The following RGS12 variants were observed in gnomAD, a reference collection of about 807,000 sequenced individuals.
The protein encoded by RGS12 is regulator of G protein signaling 12.
RGS12 carries 66 observed loss-of-function variants against 120.1 expected under a neutral mutation model. That is an observed-to-expected ratio of 0.55 (90% CI 0.45 to 0.67). The LOEUF is 0.67. RGS12 is among the 30% of genes least tolerant of loss of function. The pLI is 0.00. For missense variants in RGS12, 1,859 were observed against 1,957.7 expected, an observed-to-expected ratio of 0.95 and a Z score of 0.95; for synonymous variants, 827 against 804.7, an observed-to-expected ratio of 1.03 and a Z score of -0.47.
chr4:3,407,918 A>T (rs1392295018), intron 4 of RGS12, among the ~76,000 whole-genome samples: 2 of 152,258 alleles, frequency 1.3e-5, no homozygotes, highest in East Asian at 3.8e-4. Context: ...AAATCTAAAC[A>T]GACTTTAAAC....
At chr4:3,415,348 A>G (rs759778826) in intron 6 of RGS12, among the ~76,000 whole-genome samples, 2 of 152,204 alleles carry the variant, frequency 1.3e-5, no homozygotes. Context: ...AATATACATG[A>G]TATTTAATTT....
intron 9 of RGS12, chr4:3,417,750 T>C: frequency 1.7e-6 from 1 of 571,778 alleles, no homozygotes; most frequent in Admixed American, 3.3e-5. Context: ...GCAGGGCTGC[T>C]CCAGAATCTT....
intron 3 of RGS12, among the ~76,000 whole-genome samples, chr4:3,352,223 A>G (rs1194513200): frequency 6.6e-6 from 1 of 152,132 alleles, no homozygotes; most frequent in Non-Finnish European, 1.5e-5. Context: ...AGACAGATGC[A>G]AGGTCCTTTA....
chr4:3,405,091 A>G (rs911009913), intron 4 of RGS12, among the ~76,000 whole-genome samples: 10 of 152,246 alleles, frequency 6.6e-5, no homozygotes, highest in African/African-American at 2.4e-4. Context: ...ATGGCTTTGT[A>G]GTAACAGGAG....
At chr4:3,310,639 A>C (rs1431328725) in intron 1 of RGS12, among the ~76,000 whole-genome samples, 2 of 151,628 alleles carry the variant, frequency 1.3e-5, no homozygotes, top group Non-Finnish European at 2.9e-5. Context: ...GCGGGTCTGC[A>C]TGGGGCGGGT....
At chr4:3,333,641 T>C (rs1167010680) in intron 2 of RGS12, among the ~76,000 whole-genome samples, 2 of 152,226 alleles carry the variant, frequency 1.3e-5, no homozygotes, top group Non-Finnish European at 2.9e-5. Context: ...TCATGGATCA[T>C]GTGTTCATGT....
chr4:3,320,446 C>T (rs920803931), intron 2 of RGS12, among the ~76,000 whole-genome samples: 1 of 152,194 alleles, frequency 6.6e-6, no homozygotes, highest in Non-Finnish European at 1.5e-5. Context: ...AGAGTGCATC[C>T]TTACCTTGAT....
chr4:3,431,145 G>A (rs1433762216), intron 17 of RGS12, 190 bp downstream of exon 17: 4 of 1,425,998 alleles, frequency 2.8e-6, no homozygotes, highest in Non-Finnish European at 2.7e-6. Flanking sequence ...CCAGGCCAGT[G>A]TCTGTCAGGA....
At position 3,384,993 on chromosome 4, in the gene RGS12, G is replaced by A. The variant is rs186529200; in HGVS notation, c.1999-1423G>A. 2.3e-4 allele frequency among the ~76,000 whole-genome samples: 35 copies of A among 152,328 alleles called. No homozygotes were observed. In the East Asian group the frequency reaches 3.3e-3, roughly 14 times the overall value. On this transcript the variant is annotated intron_variant, in intron 3 of 17. Transcript: ENST00000336727. ...CAGAATTCCAGTGGGTGTACCGCTC[G>A]TGTTAAAACCCATACAGTGTGTGTC...
chr4:3,431,325 G>A (rs1724279458), intron 17 of RGS12: 3 of 1,093,246 alleles, frequency 2.7e-6, no homozygotes, highest in East Asian at 7.6e-5. Context: ...CGTTTTTAGT[G>A]TTTCTGTCTC....
chr4:3,433,472 A>G lies in RGS12; in HGVS notation c.4114+2517A>G, dbSNP rs1277136110. Among the ~76,000 whole-genome samples the G allele has an allele frequency of 6.6e-6, 1 of 150,574 alleles. No individual in the cohort carries two copies. The highest frequency in any genetic ancestry group is 1.5e-5 in the Non-Finnish European group (1 of 67,742). The stretch of plus-strand genomic sequence containing the variant: ...CACCCTGTCCTAGCCCCAGTGCCAC[A>G]TGCCACACCACCCCATCCTAGCCCC... On this transcript the variant is annotated intron_variant, in intron 17 of 17. Transcript: ENST00000336727. The surrounding 1 kb of genome is among the most constrained non-coding windows in gnomAD (Gnocchi z 4.4).
At position 3,390,658 on chromosome 4, in the gene RGS12, C is replaced by T. The variant is rs567863254; in HGVS notation, c.2020+4221C>T. Among the ~76,000 whole-genome samples the T allele has an allele frequency of 1.3e-5, 2 of 152,300 alleles. No individual in the cohort carries two copies. Among genetic ancestry groups the T allele is most frequent in the South Asian group, 2.1e-4 (1 of 4,824 alleles). On this transcript the variant is annotated intron_variant, in intron 4 of 17. Transcript: ENST00000336727. The surrounding 1 kb of genome is among the most constrained non-coding windows in gnomAD (Gnocchi z 4.6). ...CTTTGGAGCTCAGACCTGGCCATGG[C>T]GGAAGATTCGGGCTCCACCTGCAGC...
At chr4:3,429,105 A>G (rs1200058954) in intron 16 of RGS12, among the ~76,000 whole-genome samples, 1 of 152,170 alleles carries the variant, frequency 6.6e-6, no homozygotes, top group Non-Finnish European at 1.5e-5. Context: ...AGAGCTGGGC[A>G]CCCAGGTGAG....
chr4:3,302,469 C>T (rs568329257), intron 1 of RGS12, among the ~76,000 whole-genome samples: 3 of 152,324 alleles, frequency 2.0e-5, no homozygotes, highest in Non-Finnish European at 2.9e-5. Flanking sequence ...CTGGAGTTCA[C>T]GTTGTGTGGC....
intron 12 of RGS12, 129 bp from the exon 13 acceptor site, chr4:3,423,386 G>A: frequency 8.0e-7 from 1 of 1,245,500 alleles, no homozygotes; most frequent in South Asian, 1.3e-5. Flanking sequence ...CTGATCAGCT[G>A]GGGCTGAACT....
intron 2 of RGS12, among the ~76,000 whole-genome samples, chr4:3,321,528 G>A (rs1725189740): frequency 6.6e-6 from 1 of 152,228 alleles, no homozygotes; most frequent in African/African-American, 2.4e-5. Context: ...GAGAAGAAAT[G>A]CCTTGGTGTC....
intron 3 of RGS12, among the ~76,000 whole-genome samples, chr4:3,346,441 T>C (rs930645825): frequency 1.3e-5 from 2 of 152,222 alleles, no homozygotes; most frequent in Non-Finnish European, 2.9e-5. Context: ...AGCTGTCGGC[T>C]TCTAGTCCTG....
chr4:3,430,562 T>C lies in RGS12; in HGVS notation c.3721T>C (p.Phe1241Leu). Residue 1241 changes from phenylalanine to leucine, a missense_variant, in exon 17 of 18, where the codon TTT (phenylalanine) becomes CTT (leucine). Physicochemically the swap from Phe to Leu is conservative, Grantham distance 22 (BLOSUM62 0). This residue lies in a region of RGS12 where 517 missense variants were observed against 488.5 expected (regional missense o/e 1.06). Coordinates refer to ENST00000336727, the MANE Select transcript of RGS12 (RefSeq NM_001394154.1). ...CACTCCAGCTGCTGTGGCCAAGGGCTTTAGCAAGAGAAGCGCCACAGGCAA... is the reference window on the plus strand; with the variant it reads ...CACTCCAGCTGCTGTGGCCAAGGGCCTTAGCAAGAGAAGCGCCACAGGCAA... ...LPTPAAVAKG[F>L]SKRSATGNGR... 4.3e-6 allele frequency: 7 copies of C among 1,613,100 alleles called. No individual in the cohort carries two copies. Among genetic ancestry groups the C allele is most frequent in the Non-Finnish European group, 5.9e-6 (7 of 1,179,992 alleles).
Position 3,389,393 on chromosome 4 carries a change from C to A in RGS12, c.2020+2956C>A, listed in dbSNP as rs187897451. Among the ~76,000 whole-genome samples the A allele has an allele frequency of 1.3e-3, 199 of 152,170 alleles. No individual in the cohort carries two copies. Among genetic ancestry groups the A allele is most frequent in the Middle Eastern group, 3.4e-3 (1 of 294 alleles). On this transcript the variant is annotated intron_variant, in intron 4 of 17. Coordinates refer to ENST00000336727, the MANE Select transcript of RGS12 (RefSeq NM_001394154.1). This position sits in a 1 kb window ranked among gnomAD's most constrained non-coding sequence, Gnocchi z 5.2. ...AGAGGCTTAGCAGGGGAATGGTCTGCCTTGTGGGAAGTTATTCAGACAGAA... is the reference window on the plus strand; with the variant it reads ...AGAGGCTTAGCAGGGGAATGGTCTGACTTGTGGGAAGTTATTCAGACAGAA...
Sources: allele counts gnomAD v4.1 joint callset (sites outside exome capture counted in the v4.1 genomes callset), GRCh38; gene constraint gnomAD v4.1.1; regional missense constraint gnomAD v4.1.1; non-coding constraint Gnocchi (gnomAD v3.1); transcripts MANE v1.5; gene names NCBI Gene and HGNC (gene_info 2026-07-23, HGNC 2026-07-21).